LIMCH1: variants seen among roughly 807,000 people sequenced by gnomAD.
LIMCH1 encodes the protein LIM and calponin homology domains-containing protein 1.
In LIMCH1, 113 loss-of-function variants were observed where a neutral mutation model predicts 176.5. The ratio of observed to expected loss-of-function variants is 0.64; its 90% CI spans 0.55 to 0.75. The LOEUF is 0.75. Ranked by LOEUF, LIMCH1 falls within the 30% of genes least tolerant of loss-of-function variation. LIMCH1 has a pLI of 0.00. For missense variants in LIMCH1, 1,674 were observed against 1,814.9 expected (o/e 0.92, Z 1.41); for synonymous variants, 619 against 645.9 (o/e 0.96, Z 0.63).
chr4:41,642,842 G>A (rs1277748467), intron 14 of LIMCH1, among the ~76,000 whole-genome samples: 1 of 151,124 alleles, frequency 6.6e-6, no homozygotes, highest in African/African-American at 2.4e-5. Context: ...GCCTCCCAGA[G>A]TGCTGGGATT....
At chr4:41,516,112 T>A (rs1160714761) in intron 2 of LIMCH1, among the ~76,000 whole-genome samples, 1 of 152,194 alleles carries the variant, frequency 6.6e-6, no homozygotes, top group Non-Finnish European at 1.5e-5. Flanking sequence ...CACGGTTCAT[T>A]GATCATATGT....
chr4:41,438,294 G>A (rs1401294915), intron 1 of LIMCH1, among the ~76,000 whole-genome samples: 2 of 152,160 alleles, frequency 1.3e-5, no homozygotes, highest in Non-Finnish European at 2.9e-5. Flanking sequence ...AGGCCACATC[G>A]TCAGGTGAGT....
chr4:41,623,103 A>G (rs998096285), intron 7 of LIMCH1, among the ~76,000 whole-genome samples: 1 of 152,192 alleles, frequency 6.6e-6, no homozygotes, highest in African/African-American at 2.4e-5. Flanking sequence ...TTCTAAGTTT[A>G]TCCACATTTG....
chr4:41,637,208 CAG>C (rs1349477208), intron 13 of LIMCH1, among the ~76,000 whole-genome samples: 7 of 151,374 alleles, frequency 4.6e-5, no homozygotes, highest in African/African-American at 1.7e-4. Flanking sequence ...CCTTTTCAGA[CAG>C]AGTCTCACTC....
chr4:41,619,487 GT>G, intron 6 of LIMCH1, 47 bp downstream of exon 6: 1 of 1,596,396 alleles, frequency 6.3e-7, no homozygotes, highest in Admixed American at 1.7e-5. Flanking sequence ...GGCATGAGTG[GT>G]TTGGGAACTG....
intron 1 of LIMCH1, among the ~76,000 whole-genome samples, chr4:41,554,975 A>C (rs2081039696): frequency 6.6e-6 from 1 of 152,166 alleles, no homozygotes; most frequent in South Asian, 2.1e-4. Context: ...AAAAGGCATT[A>C]TCCACTTTGT....
chr4:41,474,351 G>A (rs569332658), intron 1 of LIMCH1, among the ~76,000 whole-genome samples: 31 of 152,236 alleles, frequency 2.0e-4, no homozygotes, highest in Admixed American at 4.6e-4. Context: ...GCTGGGTGTG[G>A]TGGCAGGCAC....
intron 1 of LIMCH1, among the ~76,000 whole-genome samples, chr4:41,556,722 T>C (rs143891794): frequency 1.5e-4 from 23 of 152,308 alleles, no homozygotes; most frequent in African/African-American, 4.6e-4. Context: ...AGCCTGAGCA[T>C]TTCCTCCTGT....
intron 1 of LIMCH1, among the ~76,000 whole-genome samples, chr4:41,579,252 C>T (rs1443027278): frequency 2.0e-5 from 3 of 152,152 alleles, no homozygotes; most frequent in African/African-American, 7.2e-5. Flanking sequence ...AATATCAGGG[C>T]TGTTTACCAC....
rs533568065 is a variant in LIMCH1, at chr4:41,374,706, C to G, written c.96+13770C>G. 1.4e-3 allele frequency among the ~76,000 whole-genome samples: 216 copies of G among 152,230 alleles called. 1 individual carries two copies. Among genetic ancestry groups the G allele is most frequent in the African/African-American group, 4.9e-3 (205 of 41,532 alleles). On this transcript the variant is annotated intron_variant, in intron 1 of 26. Transcript: ENST00000313860. ...CTACTTCATACAAAGGCTGACTCAG[C>G]AGCTCAATGATATCAGTAAGGATCT...
At chr4:41,642,385 G>T (rs905428328) in intron 14 of LIMCH1, among the ~76,000 whole-genome samples, 7 of 152,040 alleles carry the variant, frequency 4.6e-5, no homozygotes, top group African/African-American at 1.4e-4. Flanking sequence ...CTGCTTAAGT[G>T]AATTTTGATC....
intron 29 of LIMCH1, chr4:41,688,924 A>G (rs1723080980): frequency 6.6e-6 from 1 of 152,492 alleles, no homozygotes. Context: ...AATCTGGTCC[A>G]ATCCTTTCAT....
chr4:41,469,605 G>A (rs1300058861), intron 1 of LIMCH1, among the ~76,000 whole-genome samples: 1 of 152,030 alleles, frequency 6.6e-6, no homozygotes, highest in Non-Finnish European at 1.5e-5. Context: ...ATCCCAACAG[G>A]AAATAATTTC....
intron 1 of LIMCH1, among the ~76,000 whole-genome samples, chr4:41,383,067 A>G (rs2055947038): frequency 6.6e-6 from 1 of 152,198 alleles, no homozygotes; most frequent in South Asian, 2.1e-4. Context: ...TTGGGATTAC[A>G]GACGTGAGCC....
At chr4:41,644,466 C>T (rs1326383172) in intron 14 of LIMCH1, 34 bp from the exon 15 acceptor site, 2 of 1,458,952 alleles carry the variant, frequency 1.4e-6, no homozygotes, top group South Asian at 1.4e-5. Context: ...GCGCTGATCG[C>T]GGTCCCTCTT....
chr4:41,401,979 CAG>C (rs1269166232), intron 1 of LIMCH1, among the ~76,000 whole-genome samples: 1 of 152,194 alleles, frequency 6.6e-6, no homozygotes, highest in Non-Finnish European at 1.5e-5. Flanking sequence ...CGTCTGCAAA[CAG>C]GGACAATTTG....
At chr4:41,391,546 C>T (rs903559656) in intron 1 of LIMCH1, among the ~76,000 whole-genome samples, 1 of 152,054 alleles carries the variant, frequency 6.6e-6, no homozygotes, top group Non-Finnish European at 1.5e-5. Flanking sequence ...TGGCAGACAC[C>T]ACCTTATCAA....
At chr4:41,654,481 G>A (rs1197203859) in intron 18 of LIMCH1, among the ~76,000 whole-genome samples, 1 of 152,136 alleles carries the variant, frequency 6.6e-6, no homozygotes, top group South Asian at 2.1e-4. Flanking sequence ...TTGACTTAAC[G>A]ATGTTTTCAA....
intron 3 of LIMCH1, among the ~76,000 whole-genome samples, chr4:41,529,496 G>A (rs1229385578): frequency 3.9e-5 from 6 of 152,136 alleles, no homozygotes; most frequent in African/African-American, 9.7e-5. Context: ...ACAATTTTAC[G>A]TCTTAGATGT....
Sources: allele counts gnomAD v4.1 joint callset (sites outside exome capture counted in the v4.1 genomes callset), GRCh38; gene constraint gnomAD v4.1.1; transcripts MANE v1.5; gene names NCBI Gene and HGNC (gene_info 2026-07-23, HGNC 2026-07-21).